Variants in FSTL4 observed in about 807,000 individuals in gnomAD.
FSTL4 encodes follistatin like 4.
In FSTL4, 28 loss-of-function variants were observed where a neutral mutation model predicts 78.2. The observed-to-expected ratio is 0.36, with a 90% CI of 0.27 to 0.49. The LOEUF is 0.49. Among genes scored for constraint, FSTL4 ranks in the 20% least tolerant of loss-of-function variants. The pLI is 0.98. For missense variants in FSTL4, 922 were observed against 1,084.9 expected, an observed-to-expected ratio of 0.85 and a Z score of 2.11; for synonymous variants, 422 against 440.5, an observed-to-expected ratio of 0.96 and a Z score of 0.53.
intron 4 of FSTL4, among the ~76,000 whole-genome samples, chr5:133,372,625 C>A (rs936635803): frequency 6.6e-6 from 1 of 152,156 alleles, no homozygotes; most frequent in Admixed American, 6.5e-5. Flanking sequence ...AAAACCAGCC[C>A]GATGAAAGAG....
At chr5:133,453,867 G>A (rs748676970) in intron 3 of FSTL4, among the ~76,000 whole-genome samples, 7 of 152,180 alleles carry the variant, frequency 4.6e-5, no homozygotes, top group Non-Finnish European at 7.4e-5. Flanking sequence ...TCACAGTCCT[G>A]AAAACATTAC....
chr5:133,565,082 CTCTAGACCTGAAGACTT>C (rs1759998735), intron 3 of FSTL4, among the ~76,000 whole-genome samples: 1 of 152,186 alleles, frequency 6.6e-6, no homozygotes, highest in Non-Finnish European at 1.5e-5. Context: ...GAAGCTTCCT[CTCTAGACCTGAAGACTT>C]TCTAGACTCT....
At chr5:133,408,623 G>A (rs959720606) in intron 3 of FSTL4, among the ~76,000 whole-genome samples, 32 of 152,098 alleles carry the variant, frequency 2.1e-4, no homozygotes, top group African/African-American at 7.2e-4. Flanking sequence ...AACTTCCTAC[G>A]GTACTTGTGT....
chr5:133,429,367 G>A (rs73280166), intron 3 of FSTL4, among the ~76,000 whole-genome samples: 14,463 of 152,028 alleles, frequency 0.095, 2,227 homozygotes, highest in African/African-American at 0.33. Context: ...TCACAAGGGA[G>A]GTAGAAATAA....
chr5:133,505,204 C>T (rs1758588690), intron 3 of FSTL4, among the ~76,000 whole-genome samples: 1 of 151,850 alleles, frequency 6.6e-6, no homozygotes, highest in Non-Finnish European at 1.5e-5. Flanking sequence ...TTGCCTTCCT[C>T]TCTCTCTCTA....
intron 6 of FSTL4, among the ~76,000 whole-genome samples, chr5:133,265,265 C>T (rs917752104): frequency 6.6e-6 from 1 of 152,180 alleles, no homozygotes; most frequent in African/African-American, 2.4e-5. Flanking sequence ...TGGACACAAG[C>T]GGAACTGCCG....
chr5:133,492,510 A>G (rs2112869412), intron 3 of FSTL4, among the ~76,000 whole-genome samples: 1 of 152,212 alleles, frequency 6.6e-6, no homozygotes, highest in East Asian at 1.9e-4. Flanking sequence ...ATTTTACCTC[A>G]TTGTTTAGAA....
rs1273240572 is a variant in FSTL4 at position 133,489,832 on chromosome 5, C to A, written c.160+77354G>T. Among the ~76,000 whole-genome samples the A allele has an allele frequency of 2.0e-5, 3 of 152,218 alleles. No homozygotes were observed. The South Asian group carries it at 6.2e-4, about 31-fold the overall frequency. ...CTTATCACTGACATTTGAACAGATG[C>A]CCATGAACATTAGTGAGATCAAAGG... On this transcript the variant is annotated intron_variant, in intron 3 of 15. Transcript: ENST00000265342.
At chr5:133,488,517 G>T (rs561929900) in intron 3 of FSTL4, among the ~76,000 whole-genome samples, 14 of 152,312 alleles carry the variant, frequency 9.2e-5, no homozygotes, top group African/African-American at 3.4e-4. Context: ...GCCTCCCAAA[G>T]TGCTGAGATT....
chr5:133,663,285 A>G, the FSTL4 span, among the ~76,000 whole-genome samples: 1 of 152,252 alleles, frequency 6.6e-6, no homozygotes, highest in Non-Finnish European at 1.5e-5. Context: ...TCCCACGCAC[A>G]GTTTAGACAC....
chr5:133,475,531 G>T (rs985690175), intron 3 of FSTL4, among the ~76,000 whole-genome samples: 1 of 152,130 alleles, frequency 6.6e-6, no homozygotes, highest in African/African-American at 2.4e-5. Flanking sequence ...AAGGTCTTTT[G>T]AATTTATTTT....
chr5:133,821,694 C>G, the FSTL4 span, among the ~76,000 whole-genome samples: 1 of 152,094 alleles, frequency 6.6e-6, no homozygotes, highest in African/African-American at 2.4e-5. Context: ...GGACTGGATC[C>G]AACAGGGCCC....
chr5:133,413,807 T>C (rs1661217318), intron 3 of FSTL4, among the ~76,000 whole-genome samples: 1 of 152,196 alleles, frequency 6.6e-6, no homozygotes, highest in South Asian at 2.1e-4. Context: ...CAGCTATTTC[T>C]AACCTACTGT....
At chr5:133,671,822 C>T in the FSTL4 span, among the ~76,000 whole-genome samples, 5 of 152,222 alleles carry the variant, frequency 3.3e-5, no homozygotes, top group Admixed American at 6.5e-5. Context: ...GAGGAACAGG[C>T]TATGACCTAA....
At chr5:133,517,674 G>T (rs1294500269) in intron 3 of FSTL4, among the ~76,000 whole-genome samples, 1 of 150,486 alleles carries the variant, frequency 6.6e-6, no homozygotes, top group Admixed American at 6.6e-5. Context: ...CTTTTTTAAG[G>T]AATTGGCTCA....
chr5:133,353,281 A>C (rs1356695255), intron 4 of FSTL4, among the ~76,000 whole-genome samples: 1 of 152,248 alleles, frequency 6.6e-6, no homozygotes, highest in African/African-American at 2.4e-5. Context: ...TTCACAGCCA[A>C]GCCAGGAAAT....
intron 4 of FSTL4, among the ~76,000 whole-genome samples, chr5:133,347,531 T>G (rs764522781): frequency 6.6e-6 from 1 of 151,928 alleles, no homozygotes; most frequent in Non-Finnish European, 1.5e-5. Flanking sequence ...ATTTTTAGTA[T>G]AGATAGGGTT....
chr5:133,411,270 G>T (rs1315001941), intron 3 of FSTL4, among the ~76,000 whole-genome samples: 3 of 152,202 alleles, frequency 2.0e-5, no homozygotes, highest in African/African-American at 7.2e-5. Context: ...TACTGCAGAG[G>T]AGGAGTGACA....
the FSTL4 span, among the ~76,000 whole-genome samples, chr5:133,753,020 A>G: frequency 6.6e-6 from 1 of 152,236 alleles, no homozygotes; most frequent in African/African-American, 2.4e-5. Context: ...TTGTTATGAA[A>G]TAACCCCTTT....
Sources: allele counts gnomAD v4.1 joint callset (sites outside exome capture counted in the v4.1 genomes callset), GRCh38; gene constraint gnomAD v4.1.1; transcripts MANE v1.5; gene names NCBI Gene and HGNC (gene_info 2026-07-23, HGNC 2026-07-21).